CHL1: variants seen among roughly 807,000 people sequenced by gnomAD.
CHL1 encodes the protein neural cell adhesion molecule L1-like protein.
In CHL1, 96 loss-of-function variants were observed where a neutral mutation model predicts 141.9. That is an observed-to-expected ratio of 0.68 (90% confidence interval 0.57 to 0.80). CHL1 has a LOEUF of 0.80. CHL1 is among the 30% of genes least tolerant of loss of function. The probability of loss-of-function intolerance (pLI) is 0.00; values close to 1 mark genes in which losing one functional copy is unlikely to be tolerated. For missense variants in CHL1, 1,820 were observed against 1,457.2 expected (o/e 1.25, Z -4.05); for synonymous variants, 613 against 502.2 (o/e 1.22, Z -2.95).
intron 1 of CHL1, among the ~76,000 whole-genome samples, chr3:227,360 G>T (rs1207594691): frequency 1.3e-5 from 2 of 152,206 alleles, no homozygotes; most frequent in Non-Finnish European, 2.9e-5. Context: ...CTCCAGTGAT[G>T]CCAGTTCCTA....
intron 1 of CHL1, among the ~76,000 whole-genome samples, chr3:223,948 G>C (rs759849690): frequency 3.3e-5 from 5 of 152,178 alleles, no homozygotes; most frequent in South Asian, 2.1e-4. Flanking sequence ...GGTGGAGTCA[G>C]CTGGCCTGCC....
intron 1 of CHL1, among the ~76,000 whole-genome samples, chr3:226,702 C>G (rs1701386432): frequency 6.6e-6 from 1 of 152,122 alleles, no homozygotes; most frequent in Non-Finnish European, 1.5e-5. Context: ...CTGCCTTGAC[C>G]TCCCAAAGTG....
chr3:343,424 T>C, intron 8 of CHL1, among the ~76,000 whole-genome samples: 1 of 152,190 alleles, frequency 6.6e-6, no homozygotes, highest in East Asian at 1.9e-4. Flanking sequence ...AGTGGATTTT[T>C]TTCTTGCAAG....
At chr3:401,797 A>AC in intron 27 of CHL1, 99 bp downstream of exon 27, 1 of 687,598 alleles carries the variant, frequency 1.5e-6, no homozygotes, top group Non-Finnish European at 2.4e-6. Flanking sequence ...AGGTTACATA[A>AC]CTACAATGTA....
intron 2 of CHL1, among the ~76,000 whole-genome samples, chr3:310,511 T>G (rs1036888529): frequency 7.2e-5 from 11 of 152,234 alleles, no homozygotes; most frequent in African/African-American, 2.2e-4. Context: ...TTTTTTGTTA[T>G]AGCTTAGAAA....
At chr3:288,268 T>G (rs1697351768) in intron 2 of CHL1, among the ~76,000 whole-genome samples, 1 of 152,222 alleles carries the variant, frequency 6.6e-6, no homozygotes, top group Non-Finnish European at 1.5e-5. Context: ...GGTTAATCTA[T>G]TATCTCCTCT....
At chr3:218,611 T>G (rs1171295881) in intron 1 of CHL1, among the ~76,000 whole-genome samples, 1 of 152,224 alleles carries the variant, frequency 6.6e-6, no homozygotes, top group African/African-American at 2.4e-5. Context: ...TGCTGCTAAA[T>G]GTGTTCTTCT....
chr3:317,190 T>G (rs1044817296), intron 2 of CHL1, among the ~76,000 whole-genome samples: 3 of 152,066 alleles, frequency 2.0e-5, no homozygotes, highest in Admixed American at 6.6e-5. Flanking sequence ...ATTCATATTC[T>G]GAAAAGTGAT....
Position 267,606 on chromosome 3 carries a change from C to T in CHL1, c.-95+22914C>T, listed in dbSNP as rs983671563. Among the ~76,000 whole-genome samples the T allele has an allele frequency of 3.3e-5, 5 of 151,924 alleles. No homozygotes were observed. The East Asian group carries it at 9.6e-4, about 29-fold the overall frequency. On this transcript the variant is annotated intron_variant, in intron 2 of 27. Transcript: ENST00000256509. The stretch of plus-strand genomic sequence containing the variant: ...TTCCTTTTTTGAGGATGTAAAATTG[C>T]CTTATACATTATATCTCATTATCTT...
chr3:212,832 G>A (rs1052267336), intron 1 of CHL1, among the ~76,000 whole-genome samples: 5 of 152,078 alleles, frequency 3.3e-5, no homozygotes, highest in South Asian at 2.1e-4. Flanking sequence ...CCAGCCATTC[G>A]ACAGTCTCCA....
chr3:351,539 C>G (rs943634296), intron 10 of CHL1, among the ~76,000 whole-genome samples: 1 of 152,090 alleles, frequency 6.6e-6, no homozygotes, highest in Non-Finnish European at 1.5e-5. Context: ...TTTCTGCCTT[C>G]CTGCACCCTC....
intron 24 of CHL1, 135 bp downstream of exon 24, chr3:395,007 C>T: frequency 4.1e-6 from 3 of 729,582 alleles, no homozygotes; most frequent in Non-Finnish European, 4.3e-6. Context: ...TCTGTCTGAC[C>T]TTCTGTTTTC....
intron 15 of CHL1, among the ~76,000 whole-genome samples, chr3:369,655 A>G (rs184285364): frequency 4.3e-4 from 66 of 152,304 alleles, no homozygotes; most frequent in Non-Finnish European, 8.1e-4. Context: ...GTGGTGAGAG[A>G]GGGCATCCTT....
chr3:272,795 C>A (rs902234439), intron 2 of CHL1, among the ~76,000 whole-genome samples: 1 of 152,192 alleles, frequency 6.6e-6, no homozygotes, highest in Non-Finnish European at 1.5e-5. Flanking sequence ...TTTATTCATT[C>A]AGTCTTTCAT....
intron 2 of CHL1, among the ~76,000 whole-genome samples, chr3:287,847 C>G (rs373565455): frequency 4.0e-5 from 6 of 151,864 alleles, no homozygotes; most frequent in East Asian, 1.9e-4. Flanking sequence ...TTCACTGCAA[C>G]CTCCGCCTCC....
chr3:366,150 C>G lies in CHL1; in HGVS notation c.1751+35C>G, dbSNP rs750384986. 1.9e-6 allele frequency: 3 copies of G among 1,588,632 alleles called. No individual in the cohort carries two copies. In the South Asian group the frequency reaches 3.4e-5, roughly 18 times the overall value. ...CTATTATGATATGTCATAATATTTG[C>G]TTGGGGTAAACAACTTGCATTTGAT... is the stretch of plus-strand genomic sequence containing the variant. On this transcript the variant is annotated intron_variant, in intron 15 of 27. Transcript: ENST00000256509.
chr3:341,485 C>T (rs552215922), intron 6 of CHL1, among the ~76,000 whole-genome samples: 4 of 152,236 alleles, frequency 2.6e-5, no homozygotes, highest in South Asian at 2.1e-4. Context: ...ATTAATATCA[C>T]GGATAAAACT....
chr3:272,318 G>T (rs1695705611), intron 2 of CHL1, among the ~76,000 whole-genome samples: 1 of 152,006 alleles, frequency 6.6e-6, no homozygotes, highest in African/African-American at 2.4e-5. Context: ...TTGTATTCCT[G>T]TCATTATGGT....
intron 1 of CHL1, among the ~76,000 whole-genome samples, chr3:242,762 T>C (rs1006214344): frequency 3.3e-5 from 5 of 152,122 alleles, no homozygotes; most frequent in Admixed American, 3.3e-4. Context: ...GAATGCCTTC[T>C]GAACCAAAGC....
Sources: gnomAD v4.1 joint callset for allele counts (sites outside exome capture counted in the v4.1 genomes callset) on GRCh38, gnomAD v4.1.1 for gene constraint, MANE v1.5 for transcripts, NCBI Gene and HGNC (gene_info 2026-07-23, HGNC 2026-07-21) for gene names.